The following ZFAND3 variants were observed in gnomAD, a reference collection of about 807,000 sequenced individuals.
ZFAND3 encodes the protein AN1-type zinc finger protein 3.
A neutral mutation model predicts 29.6 loss-of-function variants in ZFAND3; 10 were observed. That is an observed-to-expected ratio of 0.34 (90% CI 0.21 to 0.57). The LOEUF (loss-of-function observed/expected upper bound fraction) is 0.57, where lower values mean the gene tolerates loss of function less well. Among genes scored for constraint, ZFAND3 ranks in the 20% least tolerant of loss-of-function variants. ZFAND3 has a pLI of 0.86. For synonymous variants in ZFAND3, 128 were observed against 112.6 expected, an observed-to-expected ratio of 1.14 and a Z score of -0.87; for missense variants, 230 against 304.5, an observed-to-expected ratio of 0.76 and a Z score of 1.82.
At chr6:37,942,407 GT>G (rs1235477457) in intron 2 of ZFAND3, among the ~76,000 whole-genome samples, 2 of 152,070 alleles carry the variant, frequency 1.3e-5, no homozygotes, top group Non-Finnish European at 2.9e-5. Context: ...TTTGAGACAT[GT>G]TAGCAAAATT....
rs398110036 is a variant in ZFAND3, at chr6:37,839,186, CT to C, written c.71+19182del. 2.0e-3 allele frequency among the ~76,000 whole-genome samples: 290 copies of C among 147,028 alleles called. 4 individuals carry two copies. The South Asian group carries it at 0.027, about 14-fold the overall frequency. ...TTTTTACTTGTAAGTTGTAAAATTT[CT>C]TTTTTTTTTTTGAGACAGAGTCTTA... On this transcript the variant is annotated intron_variant, in intron 1 of 5. Transcript: ENST00000287218.
At chr6:37,948,468 A>G (rs930637599) in intron 2 of ZFAND3, among the ~76,000 whole-genome samples, 2 of 151,800 alleles carry the variant, frequency 1.3e-5, no homozygotes, top group African/African-American at 4.8e-5. Flanking sequence ...TTTCTTTCCA[A>G]CTTTTGTTTT....
At chr6:37,912,595 T>C (rs1765542720) in intron 1 of ZFAND3, among the ~76,000 whole-genome samples, 1 of 152,158 alleles carries the variant, frequency 6.6e-6, no homozygotes, top group African/African-American at 2.4e-5. Flanking sequence ...TTGTGGGTTA[T>C]TGTTAAGCTG....
intron 2 of ZFAND3, among the ~76,000 whole-genome samples, chr6:37,961,073 C>CA (rs1388681042): frequency 6.6e-6 from 1 of 152,092 alleles, no homozygotes; most frequent in Non-Finnish European, 1.5e-5. Context: ...GACCCTGTTT[C>CA]AAAAAATAGT....
rs1158443468 is a variant in ZFAND3, at chr6:38,116,435, T to TATAAAC, written c.362-137_362-136insATAAAC. On this transcript the variant is annotated intron_variant, in intron 4 of 5. Transcript: ENST00000287218. ...GTTTGTGCAGTATAAACCAAGCAAGTCAGAACTGGCTCTCACCTGTCTGAT... is the reference window on the plus strand; with the variant it reads ...GTTTGTGCAGTATAAACCAAGCAAGTATAAACCAGAACTGGCTCTCACCTGTCTGAT... 4.0e-6 allele frequency: 4 copies of TATAAAC among 1,001,716 alleles called. No homozygotes were observed. In the Admixed American group the frequency reaches 9.4e-5, roughly 23 times the overall value. The allele number at this position is 1,001,716 out of a possible 1,614,324, so 62.1% of individuals were successfully genotyped here.
chr6:37,944,834 G>A (rs1265971223), intron 2 of ZFAND3, among the ~76,000 whole-genome samples: 3 of 152,196 alleles, frequency 2.0e-5, no homozygotes, highest in African/African-American at 7.2e-5. Context: ...TCAAGGATGA[G>A]TTGGAAAATA....
chr6:38,032,162 G>A (rs1763574505), intron 2 of ZFAND3, among the ~76,000 whole-genome samples: 1 of 151,870 alleles, frequency 6.6e-6, no homozygotes, highest in Non-Finnish European at 1.5e-5. Flanking sequence ...TGTATTATGA[G>A]CATTTATCTA....
chr6:38,036,357 C>G (rs572488220), intron 2 of ZFAND3, among the ~76,000 whole-genome samples: 1 of 152,164 alleles, frequency 6.6e-6, no homozygotes, highest in Non-Finnish European at 1.5e-5. Context: ...AGCCAAGCCA[C>G]TAAACAAACA....
At chr6:38,012,686 T>G (rs1763179985) in intron 2 of ZFAND3, among the ~76,000 whole-genome samples, 1 of 152,146 alleles carries the variant, frequency 6.6e-6, no homozygotes, top group Non-Finnish European at 1.5e-5. Flanking sequence ...TGATAGTAAT[T>G]TTTAATCTTT....
rs139133392 is a variant in ZFAND3, at chr6:38,152,627, A to AT, written c.*248dup. On this transcript the variant is annotated 3_prime_UTR_variant, in exon 6 of 6. Transcript: ENST00000287218. ...TGTATAAAATTAAAACATGAAGAAT[A>AT]TTTTTTTTTTGAGCATGGCTAGTGG... 2,201 of 1,164,050 alleles carry AT rather than the reference A, an allele frequency of 1.9e-3. 1 individual carries two copies. The highest frequency in any genetic ancestry group is 6.5e-3 in the East Asian group (174 of 26,876). 72.1% of individuals were successfully genotyped at this position (1,164,050 alleles called of 1,614,324 possible). A position where few individuals can be genotyped will look rare whatever the true frequency, so the allele number is the denominator to read the frequency against.
At chr6:37,923,922 T>C (rs753942984) in intron 1 of ZFAND3, among the ~76,000 whole-genome samples, 16 of 152,186 alleles carry the variant, frequency 1.1e-4, no homozygotes, top group Non-Finnish European at 1.8e-4. Flanking sequence ...ATTATAGATA[T>C]CTATCTAAAA....
At chr6:38,080,209 G>A (rs1764634213) in intron 3 of ZFAND3, among the ~76,000 whole-genome samples, 2 of 152,078 alleles carry the variant, frequency 1.3e-5, no homozygotes, top group African/African-American at 2.4e-5. Context: ...TAATGTAGAT[G>A]ACAGGTTGAT....
chr6:37,904,596 G>A (rs1765376339), intron 1 of ZFAND3, among the ~76,000 whole-genome samples: 1 of 152,112 alleles, frequency 6.6e-6, no homozygotes, highest in Non-Finnish European at 1.5e-5. Context: ...ATGAAAACTG[G>A]AATTTAAAGG....
chr6:37,879,318 G>GT (rs1191450650), intron 1 of ZFAND3, among the ~76,000 whole-genome samples: 11 of 151,454 alleles, frequency 7.3e-5, no homozygotes, highest in African/African-American at 2.4e-4. Flanking sequence ...AAATGCAGAA[G>GT]TTTTTTTTGT....
rs139354677 is a variant in ZFAND3 at position 37,967,068 on chromosome 6, A to G, written c.112+37069A>G. 9.8e-5 allele frequency among the ~76,000 whole-genome samples: 15 copies of G among 152,314 alleles called. No individual in the cohort carries two copies. In the East Asian group the frequency reaches 2.7e-3, roughly 27 times the overall value. Reference sequence around the variant, plus strand: ...ACTGATGACTAATGATGACCTCTCTAACTGCTTCATTAGGGTGATATCTGC... The same window carrying G: ...ACTGATGACTAATGATGACCTCTCTGACTGCTTCATTAGGGTGATATCTGC... On this transcript the variant is annotated intron_variant, in intron 2 of 5. Coordinates refer to ENST00000287218, the MANE Select transcript of ZFAND3 (RefSeq NM_021943.3).
intron 2 of ZFAND3, among the ~76,000 whole-genome samples, chr6:37,972,259 G>A (rs938863797): frequency 7.9e-5 from 12 of 152,150 alleles, no homozygotes; most frequent in Non-Finnish European, 7.3e-5. Flanking sequence ...CACACAGAAG[G>A]CCCACATAAA....
chr6:38,135,185 G>T (rs1252298165), intron 5 of ZFAND3, among the ~76,000 whole-genome samples: 2 of 152,206 alleles, frequency 1.3e-5, no homozygotes, highest in African/African-American at 4.8e-5. Flanking sequence ...AATAAGCGCT[G>T]AGAGGTGACA....
intron 2 of ZFAND3, among the ~76,000 whole-genome samples, chr6:38,027,710 A>G (rs1028427579): frequency 4.1e-4 from 62 of 152,328 alleles, no homozygotes; most frequent in African/African-American, 1.3e-3. Context: ...TTTGTGCAAA[A>G]GGCGGATGCT....
chr6:37,892,637 G>T (rs1375846059), intron 1 of ZFAND3, among the ~76,000 whole-genome samples: 1 of 151,994 alleles, frequency 6.6e-6, no homozygotes, highest in Non-Finnish European at 1.5e-5. Context: ...ATAGAGAATA[G>T]AAAAATAACA....
Sources: gnomAD v4.1 joint callset for allele counts (sites outside exome capture counted in the v4.1 genomes callset) on GRCh38, gnomAD v4.1.1 for gene constraint, MANE v1.5 for transcripts, NCBI Gene and HGNC (gene_info 2026-07-23, HGNC 2026-07-21) for gene names.